The following P3H1 variants were observed in gnomAD, a reference collection of about 807,000 sequenced individuals.
P3H1 encodes the protein growth suppressor 1.
P3H1 carries 69 observed loss-of-function variants against 84.0 expected under a neutral mutation model. The ratio of observed to expected loss-of-function variants is 0.82; its 90% CI spans 0.68 to 1.00. The LOEUF (loss-of-function observed/expected upper bound fraction) is 1.00, where lower values mean the gene tolerates loss of function less well. P3H1 is among the 50% of genes least tolerant of loss of function. The pLI, the probability that P3H1 is intolerant of heterozygous loss-of-function variation, is 0.00. For missense variants in P3H1, 878 were observed against 962.8 expected (o/e 0.91, Z 1.17); for synonymous variants, 366 against 388.8 (o/e 0.94, Z 0.69).
At chr1:42,748,102 A>AGT (rs995371869) in intron 12 of P3H1, 98 bp downstream of exon 12, 68 of 871,176 alleles carry the variant, frequency 7.8e-5, no homozygotes, top group Non-Finnish European at 1.1e-4. Flanking sequence ...AGCCCCAACC[A>AGT]GTGTGTGTGT....
rs200403014 is a variant in P3H1, at chr1:42,758,962, T to A, written c.830A>T (p.Asn277Ile). The A allele has an allele frequency of 6.2e-7, 1 of 1,614,210 alleles. No homozygotes were observed. Among genetic ancestry groups the A allele is most frequent in the East Asian group, 2.2e-5 (1 of 44,886 alleles). Residue 277 changes from asparagine (N) to isoleucine (I), a missense_variant, in exon 4 of 15, where the codon AAC becomes ATC. Transcript: ENST00000296388. The stretch of plus-strand genomic sequence containing the variant: ...CTCCGTGACACAGTTCTGCTTACAG[T>A]TGAGGACCTGGATGTAATGATCTGA... The part of the protein sequence containing the change: ...AITDHYIQVL[N>I]CKQNCVTELA...
chr1:42,758,827 A>G (rs1401549583), intron 4 of P3H1, 25 bp downstream of exon 4: 1 of 1,613,710 alleles, frequency 6.2e-7, no homozygotes, highest in Non-Finnish European at 8.5e-7. Flanking sequence ...GCCAGCAGAG[A>G]AAGAGGAAGG....
rs147230023 is a variant in P3H1 at position 42,752,599 on chromosome 1, G to A, written c.1411C>T (p.Arg471Trp). ...MNSKLLNGSQ[R>W]VVMDGVISDH... ...GAGATTACGCCGTCCATCACCACCC[G>A]CTGGGAACCATTCAGGAGTTTGGAG... The change falls in exon 9 of 15, where the codon CGG (arginine) becomes TGG (tryptophan). Residue 471 changes from arginine to tryptophan, a missense_variant. Arg to Trp is a moderately radical substitution (Grantham distance 101, BLOSUM62 -3). Coordinates refer to ENST00000296388, the MANE Select transcript of P3H1 (RefSeq NM_022356.4). 1.6e-5 allele frequency: 26 copies of A among 1,614,014 alleles called. No homozygotes were observed. The highest frequency in any genetic ancestry group is 6.7e-5 in the African/African-American group (5 of 74,908).
intron 8 of P3H1, among the ~76,000 whole-genome samples, 184 bp from the exon 9 acceptor site, chr1:42,752,848 G>A (rs993099971): frequency 6.6e-6 from 1 of 152,200 alleles, no homozygotes; most frequent in Admixed American, 6.5e-5. Context: ...GCTGAAAGAT[G>A]AGATTCCCAG....
At chr1:42,749,507 C>T (rs16829937) in intron 11 of P3H1, among the ~76,000 whole-genome samples, 2,228 of 152,314 alleles carry the variant, frequency 0.015, 62 homozygotes, top group African/African-American at 0.05. Context: ...TTGTAAATCA[C>T]GAAGCTCTCT....
rs376337637 is a variant in P3H1 at position 42,750,245 on chromosome 1, C to T, written c.1661G>A (p.Arg554His). 33 of 1,613,642 alleles carry T rather than the reference C, an allele frequency of 2.0e-5. 1 individual carries two copies. Among genetic ancestry groups the T allele is most frequent in the African/African-American group, 2.7e-5 (2 of 74,858 alleles). Residue 554 changes from arginine to histidine, a missense_variant, in exon 11 of 15, where the codon CGC (arginine) becomes CAC (histidine). Coordinates refer to ENST00000296388, the MANE Select transcript of P3H1 (RefSeq NM_022356.4). ...GGAAAAGTAGAGGGGCGTATCCAGG[C>T]GGAAGTAGGACTCCATGATGCGCCG... is the stretch of plus-strand genomic sequence containing the variant. ...KVRRIMESYFRLDTPLYFSYS... is the reference protein window; with the variant it reads ...KVRRIMESYFHLDTPLYFSYS...
intron 1 of P3H1, among the ~76,000 whole-genome samples, chr1:42,765,514 G>C (rs1038606901): frequency 6.6e-6 from 1 of 152,214 alleles, no homozygotes; most frequent in Non-Finnish European, 1.5e-5. Flanking sequence ...AATAGTTTTA[G>C]AAAGTGCTAT....
Position 42,765,399 on chromosome 1 carries a change from C to CA in P3H1, c.465+1107dup, listed in dbSNP as rs146964053. Among the ~76,000 whole-genome samples the CA allele has an allele frequency of 7.0e-3, 1,069 of 152,316 alleles. 10 individuals are homozygous for CA. Among genetic ancestry groups the CA allele is most frequent in the African/African-American group, 0.024 (1,001 of 41,554 alleles). On this transcript the variant is annotated intron_variant, in intron 1 of 14. Coordinates refer to ENST00000296388, the MANE Select transcript of P3H1 (RefSeq NM_022356.4). ...TATGCCCTTGCAGTAGCCCTTACTA[C>CA]AGTAACTCTTAACAGCAAAGCAAGA...
intron 1 of P3H1, 108 bp downstream of exon 1, chr1:42,766,399 T>G: frequency 9.6e-7 from 1 of 1,042,004 alleles, no homozygotes; most frequent in South Asian, 1.4e-5. Context: ...AGGAGGCCAC[T>G]TTCCCCTCCC....
At chr1:42,747,837 G>A in intron 12 of P3H1, 39 bp from the exon 13 acceptor site, 4 of 1,589,618 alleles carry the variant, frequency 2.5e-6, no homozygotes, top group Non-Finnish European at 3.5e-6. Flanking sequence ...GCCCTTCCCT[G>A]CCTCCCTTTC....
intron 10 of P3H1, among the ~76,000 whole-genome samples, chr1:42,750,637 C>T (rs1275819532): frequency 8.6e-6 from 1 of 116,924 alleles, no homozygotes; most frequent in Non-Finnish European, 1.7e-5. Context: ...GCCACCCCGT[C>T]CGGGAGGGAG....
rs192199620 is a variant in P3H1 at position 42,746,382 on chromosome 1, A to C, written c.*315T>G. The C allele has an allele frequency of 3.0e-5, 10 of 330,806 alleles. No homozygotes were observed. In the East Asian group the frequency reaches 5.1e-4, roughly 17 times the overall value. The allele number at this position is 330,806 out of a possible 1,614,324, so 20.5% of individuals were successfully genotyped here. On this transcript the variant is annotated 3_prime_UTR_variant, in exon 15 of 15. Transcript: ENST00000296388. Reference sequence around the variant, plus strand: ...TGTCTGAACAAACCAAGTAAAAAAAACCATGAATCATTTATTCTTTGGTTG... The same window carrying C: ...TGTCTGAACAAACCAAGTAAAAAAACCCATGAATCATTTATTCTTTGGTTG...
At position 42,754,429 on chromosome 1, in the gene P3H1, AACAGTTTG is replaced by A. The variant is rs1652273591; in HGVS notation, c.1345+432_1345+439del. Reference sequence around the variant, plus strand: ...GGACGAATGGTGAAAACCGGGAGAAAACAGTTTGGGAGTGGGGAGACAGGATGAGTTAA... The same window carrying A: ...GGACGAATGGTGAAAACCGGGAGAAAGGAGTGGGGAGACAGGATGAGTTAA... On this transcript the variant is annotated intron_variant, in intron 8 of 14. Coordinates refer to ENST00000296388, the MANE Select transcript of P3H1 (RefSeq NM_022356.4). This position sits in a 1 kb window ranked among gnomAD's most constrained non-coding sequence, Gnocchi z 4.0. Among the ~76,000 whole-genome samples the A allele has an allele frequency of 6.6e-6, 1 of 152,158 alleles. No homozygotes were observed. Among genetic ancestry groups the A allele is most frequent in the South Asian group, 2.1e-4 (1 of 4,828 alleles).
At chr1:42,759,470 G>T (rs1379181164) in intron 2 of P3H1, 80 bp from the exon 3 acceptor site, 1 of 1,271,780 alleles carries the variant, frequency 7.9e-7, no homozygotes. Flanking sequence ...CTTCACAGGG[G>T]TCCTAATTTC....
chr1:42,766,429 C>A (rs903261881), intron 1 of P3H1, 78 bp downstream of exon 1: 1 of 1,302,016 alleles, frequency 7.7e-7, no homozygotes, highest in Non-Finnish European at 1.1e-6. Flanking sequence ...TTCCCCGATC[C>A]CCCAAGCTCC....
intron 10 of P3H1, 139 bp downstream of exon 10, chr1:42,752,135 C>T (rs1283387149): frequency 3.0e-5 from 23 of 754,386 alleles, no homozygotes; most frequent in Admixed American, 2.7e-4. Flanking sequence ...AACTCATCCT[C>T]GCTTCCTGGC....
At position 42,754,836 on chromosome 1, in the gene P3H1, C is replaced by G. The variant is rs1652297014; in HGVS notation, c.1345+33G>C. The G allele has an allele frequency of 3.7e-6, 6 of 1,613,824 alleles. No individual in the cohort carries two copies. The highest frequency in any genetic ancestry group is 5.1e-6 in the Non-Finnish European group (6 of 1,179,888). On this transcript the variant is annotated intron_variant, in intron 8 of 14. Coordinates refer to ENST00000296388, the MANE Select transcript of P3H1 (RefSeq NM_022356.4). The surrounding 1 kb of genome is among the most constrained non-coding windows in gnomAD (Gnocchi z 4.0). ...GGTGACCTGCCTGGCTCCCTGACAACAGCCAGACATGCCCCTATTTCTGTC... is the reference window on the plus strand; with the variant it reads ...GGTGACCTGCCTGGCTCCCTGACAAGAGCCAGACATGCCCCTATTTCTGTC...
In P3H1 at chr1:42,748,160, G is replaced by A; in HGVS notation, c.1838+40C>T. On this transcript the variant is annotated intron_variant, in intron 12 of 14. Coordinates refer to ENST00000296388, the MANE Select transcript of P3H1 (RefSeq NM_022356.4). ...CAGGGCACTGTGGGGCCTCTGAGGAGGGCACAGACCTCCTCACCCTGCACC... is the reference window on the plus strand; with the variant it reads ...CAGGGCACTGTGGGGCCTCTGAGGAAGGCACAGACCTCCTCACCCTGCACC... 2.0e-6 allele frequency: 3 copies of A among 1,464,382 alleles called. No individual in the cohort carries two copies. The South Asian group carries it at 3.4e-5, about 17-fold the overall frequency. 90.7% of individuals were successfully genotyped at this position (1,464,382 alleles called of 1,614,324 possible).
In P3H1 at chr1:42,766,503, G is replaced by C; in HGVS notation, c.465+4C>G. ...CGGCCGCCTGGTTCCAGGCAGGTCT[G>C]CACCTTGAAGTAGGCGACCTGCAGG... On this transcript the variant is annotated splice_donor_region_variant and intron_variant, in intron 1 of 14. Transcript: ENST00000296388. The C allele has an allele frequency of 6.2e-7, 1 of 1,605,668 alleles. No homozygotes were observed. Among genetic ancestry groups the C allele is most frequent in the Non-Finnish European group, 8.5e-7 (1 of 1,176,340 alleles).
Sources: allele counts gnomAD v4.1 joint callset (sites outside exome capture counted in the v4.1 genomes callset), GRCh38; gene constraint gnomAD v4.1.1; non-coding constraint Gnocchi (gnomAD v3.1); transcripts MANE v1.5; gene names NCBI Gene and HGNC (gene_info 2026-07-23, HGNC 2026-07-21).